Variants in SMARCA4 observed in about 807,000 individuals in gnomAD.
The protein encoded by SMARCA4 is SWI/SNF related BAF chromatin remodeling complex subunit ATPase 4.
A neutral mutation model predicts 193.9 loss-of-function variants in SMARCA4; 31 were observed. That is an observed-to-expected ratio of 0.16 (90% CI 0.12 to 0.22). The LOEUF is 0.22. Ranked by LOEUF, SMARCA4 falls within the 10% of genes least tolerant of loss-of-function variation. The pLI is 1.00. For synonymous variants in SMARCA4, 942 were observed against 933.1 expected (o/e 1.01, Z -0.17); for missense variants, 1,148 against 2,296.0 (o/e 0.50, Z 10.22).
chr19:11,025,978 C>T (rs1273124357), intron 22 of SMARCA4, among the ~76,000 whole-genome samples: 3 of 152,168 alleles, frequency 2.0e-5, no homozygotes, highest in Admixed American at 6.5e-5. Context: ...CGTTGGAGAC[C>T]GCCTGCTGCC....
At chr19:10,980,768 C>T (rs1042300123) in intron 1 of SMARCA4, 7 of 152,174 alleles carry the variant, frequency 4.6e-5, no homozygotes, top group Non-Finnish European at 1.0e-4. Context: ...TCTTTTTCCT[C>T]TGAGACAGCG....
rs536787903 is a variant in SMARCA4 at position 10,971,869 on chromosome 19, G to A, written c.-32+10695G>A. Among the ~76,000 whole-genome samples, 48 of 149,022 alleles carry A rather than the reference G, an allele frequency of 3.2e-4. No individual in the cohort carries two copies. In the South Asian group the frequency reaches 8.0e-3, roughly 25 times the overall value. On this transcript the variant is annotated intron_variant, in intron 1 of 34. Coordinates refer to ENST00000344626, the MANE Select transcript of SMARCA4 (RefSeq NM_003072.5). ...GCGATCTTGGCTCACTCCAACCTCC[G>A]CCTCCCGGGTTCAAGCGATTTCAAT...
chr19:10,983,117 C>A (rs112064378), intron 1 of SMARCA4, among the ~76,000 whole-genome samples: 1 of 151,898 alleles, frequency 6.6e-6, no homozygotes, highest in Non-Finnish European at 1.5e-5. Context: ...AGTGTGGGTG[C>A]GTCTTCAGCC....
intron 1 of SMARCA4, among the ~76,000 whole-genome samples, chr19:10,962,100 A>G (rs2083856529): frequency 6.6e-6 from 1 of 151,116 alleles, no homozygotes; most frequent in South Asian, 2.1e-4. Context: ...TTCAAGCTTG[A>G]TTCCTGGTGC....
intron 7 of SMARCA4, among the ~76,000 whole-genome samples, chr19:10,989,657 C>A (rs1452695585): frequency 6.6e-6 from 1 of 152,100 alleles, no homozygotes; most frequent in Non-Finnish European, 1.5e-5. Flanking sequence ...AAAGCACTTG[C>A]CGCCTCAAAG....
chr19:10,993,983 C>T lies in SMARCA4; in HGVS notation c.1420-845C>T, dbSNP rs559543223. On this transcript the variant is annotated intron_variant, in intron 8 of 34. Coordinates refer to ENST00000344626, the MANE Select transcript of SMARCA4 (RefSeq NM_003072.5). Reference sequence around the variant, plus strand: ...ATCATCAGAGAGAGAAACCCAACCGCGGCAGGCAAAGGGTGTCCCTTTATT... The same window carrying T: ...ATCATCAGAGAGAGAAACCCAACCGTGGCAGGCAAAGGGTGTCCCTTTATT... Among the ~76,000 whole-genome samples, 6 of 152,168 alleles carry T rather than the reference C, an allele frequency of 3.9e-5. No individual in the cohort carries two copies. The South Asian group carries it at 6.2e-4, about 16-fold the overall frequency.
At position 11,031,228 on chromosome 19, in the gene SMARCA4, C is replaced by T. The variant is rs543129000; in HGVS notation, c.3546+335C>T. 2.1e-4 allele frequency: 81 copies of T among 383,018 alleles called. No homozygotes were observed. Among genetic ancestry groups the T allele is most frequent in the South Asian group, 1.8e-3 (81 of 44,876 alleles). The allele number at this position is 383,018 out of a possible 1,614,324, so 23.7% of individuals were successfully genotyped here. A position where few individuals can be genotyped will look rare whatever the true frequency, so the allele number is the denominator to read the frequency against. ...CGCCGTCACTGTGGGGCGGCCCCTG[C>T]AGTGTGCCCTGTGAGCACACACACT... On this transcript the variant is annotated intron_variant, in intron 25 of 34. Transcript: ENST00000344626. This position sits in a 1 kb window ranked among gnomAD's most constrained non-coding sequence, Gnocchi z 4.3.
chr19:11,007,902 G>C lies in SMARCA4; in HGVS notation c.2002G>C (p.Glu668Gln), dbSNP rs1060502105. The stretch of plus-strand genomic sequence containing the variant: ...GTGACATGGGCTTGTCTCTTGGTAG[G>C]AGGAGGAGGAAGAGCAGCCGCAGGC... The part of the protein sequence containing the change: ...EESGSEEEEE[E>Q]EEEEQPQAAQ... Residue 668 changes from glutamate (E) to glutamine (Q), a missense_variant and splice_region_variant, in exon 14 of 35, where the codon GAG (glutamate) becomes CAG (glutamine). Transcript: ENST00000344626. The C allele has an allele frequency of 1.2e-6, 2 of 1,611,054 alleles. No homozygotes were observed. The highest frequency in any genetic ancestry group is 2.7e-5 in the African/African-American group (2 of 74,960).
chr19:11,052,489 C>T (rs770526271), intron 30 of SMARCA4, among the ~76,000 whole-genome samples: 6 of 152,174 alleles, frequency 3.9e-5, no homozygotes, highest in Non-Finnish European at 5.9e-5. Context: ...TCCACCTGGC[C>T]ATACTGAGCA....
rs183724351 is a variant in SMARCA4, at chr19:10,993,290, C to T, written c.1420-1538C>T. On this transcript the variant is annotated intron_variant, in intron 8 of 34. Coordinates refer to ENST00000344626, the MANE Select transcript of SMARCA4 (RefSeq NM_003072.5). ...CGTGAGCCGCTGCTCCTGGCCACAT[C>T]GCTTTGTTTTTAAGTATCATGGAAA... Among the ~76,000 whole-genome samples the T allele has an allele frequency of 2.3e-3, 344 of 152,246 alleles. 2 individuals are homozygous for T. Among genetic ancestry groups the T allele is most frequent in the African/African-American group, 7.8e-3 (324 of 41,544 alleles).
chr19:10,982,562 C>T lies in SMARCA4; in HGVS notation c.-31-1559C>T, dbSNP rs192632363. 4.0e-5 allele frequency among the ~76,000 whole-genome samples: 6 copies of T among 151,560 alleles called. No homozygotes were observed. In the East Asian group the frequency reaches 5.9e-4, roughly 15 times the overall value. The stretch of plus-strand genomic sequence containing the variant: ...TCGCCCAGGCTGGAGTGCGGTGGCA[C>T]GATCTCGGCTCACTGCAAGCGCCGC... On this transcript the variant is annotated intron_variant, in intron 1 of 34. Transcript: ENST00000344626.
rs571031468 is a variant in SMARCA4, at chr19:11,021,130, G to T, written c.2617-595G>T. 63 of 188,600 alleles carry T rather than the reference G, an allele frequency of 3.3e-4. 1 individual carries two copies. Among genetic ancestry groups the T allele is most frequent in the African/African-American group, 1.3e-3 (57 of 42,796 alleles). 11.7% of individuals were successfully genotyped at this position (188,600 alleles called of 1,614,324 possible). A position where few individuals can be genotyped will look rare whatever the true frequency, so the allele number is the denominator to read the frequency against. ...CAAAGCCAGGCCGTTGGCAGGCACA[G>T]GAACCAGGCTCTGAAACCCCGTGCT... is the stretch of plus-strand genomic sequence containing the variant. On this transcript the variant is annotated intron_variant, in intron 18 of 34. Coordinates refer to ENST00000344626, the MANE Select transcript of SMARCA4 (RefSeq NM_003072.5).
chr19:10,973,270 T>C (rs1238205263), intron 1 of SMARCA4, among the ~76,000 whole-genome samples: 3 of 152,178 alleles, frequency 2.0e-5, no homozygotes, highest in East Asian at 3.8e-4. Context: ...ATCCATCTAA[T>C]TGATAGCTAG....
At chr19:11,048,796 C>T (rs1460137332) in intron 30 of SMARCA4, among the ~76,000 whole-genome samples, 1 of 152,176 alleles carries the variant, frequency 6.6e-6, no homozygotes, top group African/African-American at 2.4e-5. Flanking sequence ...TTTATTCTGG[C>T]AGAATTGTGT....
intron 30 of SMARCA4, among the ~76,000 whole-genome samples, chr19:11,055,378 CG>C (rs1039852422): frequency 9.1e-4 from 138 of 152,218 alleles, no homozygotes; most frequent in African/African-American, 3.2e-3. Context: ...TTAGTAGAGA[CG>C]GGGTATCACT....
Position 11,049,486 on chromosome 19 carries a change from T to G in SMARCA4, c.4424+7926T>G, listed in dbSNP as rs765687217. On this transcript the variant is annotated intron_variant, in intron 30 of 34. Coordinates refer to ENST00000344626, the MANE Select transcript of SMARCA4 (RefSeq NM_003072.5). ...GATACCTTCTTCCCTGGGTTCTGTG[T>G]TTTTTTTTTTTTTTTTGAGACAGAG... is the stretch of plus-strand genomic sequence containing the variant. Among the ~76,000 whole-genome samples, 286 of 89,462 alleles carry G rather than the reference T, an allele frequency of 3.2e-3. 2 individuals carry two copies. Among genetic ancestry groups the G allele is most frequent in the Non-Finnish European group, 6.1e-3 (214 of 34,862 alleles). 58.7% of individuals were successfully genotyped at this position (89,462 alleles called of 152,430 possible).
chr19:10,962,836 C>T (rs2083915269), intron 1 of SMARCA4, among the ~76,000 whole-genome samples: 1 of 152,116 alleles, frequency 6.6e-6, no homozygotes, highest in African/African-American at 2.4e-5. Flanking sequence ...AGCCACTGCG[C>T]CAGGATTGTA....
chr19:10,980,099 G>A (rs373537987), intron 1 of SMARCA4, among the ~76,000 whole-genome samples: 3 of 152,262 alleles, frequency 2.0e-5, no homozygotes, highest in African/African-American at 2.4e-5. Context: ...GGCACTGGGC[G>A]ATACTGCTGG....
intron 16 of SMARCA4, among the ~76,000 whole-genome samples, chr19:11,013,714 A>G (rs2089080628): frequency 6.6e-6 from 1 of 152,098 alleles, no homozygotes; most frequent in Admixed American, 6.5e-5. Context: ...TCCCACTAGA[A>G]AAGTAGGGTG....
Sources: gnomAD v4.1 joint callset for allele counts (sites outside exome capture counted in the v4.1 genomes callset) on GRCh38, gnomAD v4.1.1 for gene constraint, Gnocchi (gnomAD v3.1) non-coding constraint, MANE v1.5 for transcripts, NCBI Gene and HGNC (gene_info 2026-07-23, HGNC 2026-07-21) for gene names.